WIF1: variants seen among roughly 807,000 people sequenced by gnomAD.
The protein encoded by WIF1 is Wnt inhibitory factor 1.
In WIF1, 35 loss-of-function variants were observed where a neutral mutation model predicts 53.5. That is an observed-to-expected ratio of 0.65 (90% CI 0.50 to 0.87). WIF1 has a LOEUF of 0.87. Among genes scored for constraint, WIF1 ranks in the 40% least tolerant of loss-of-function variants. The pLI, the probability that WIF1 is intolerant of heterozygous loss-of-function variation, is 0.00. For synonymous variants in WIF1, 171 were observed against 170.4 expected (o/e 1.00, Z -0.03); for missense variants, 467 against 476.8 (o/e 0.98, Z 0.19).
intron 2 of WIF1, among the ~76,000 whole-genome samples, chr12:65,113,631 A>G (rs561680622): frequency 6.6e-6 from 1 of 152,228 alleles, no homozygotes; most frequent in South Asian, 2.1e-4. Context: ...AAAGTTTGAG[A>G]AACTTACTGC....
intron 2 of WIF1, among the ~76,000 whole-genome samples, chr12:65,114,068 T>C (rs1042403069): frequency 5.3e-5 from 8 of 152,172 alleles, no homozygotes; most frequent in Non-Finnish European, 1.2e-4. Context: ...ATAGTAATAA[T>C]AAGTGTTACC....
chr12:65,087,878 T>C (rs534034521), intron 2 of WIF1, among the ~76,000 whole-genome samples: 1 of 152,206 alleles, frequency 6.6e-6, no homozygotes, highest in African/African-American at 2.4e-5. Flanking sequence ...AGTCCAAAAC[T>C]AGTCTTACCA....
chr12:65,085,746 G>C (rs987692852), intron 2 of WIF1, among the ~76,000 whole-genome samples: 5 of 152,226 alleles, frequency 3.3e-5, no homozygotes, highest in Non-Finnish European at 5.9e-5. Flanking sequence ...CTGAGGGAGT[G>C]AGGTTATTGG....
At chr12:65,109,459 C>A (rs975540755) in intron 2 of WIF1, among the ~76,000 whole-genome samples, 3 of 152,186 alleles carry the variant, frequency 2.0e-5, no homozygotes, top group African/African-American at 7.2e-5. Context: ...TTTCAGCTCC[C>A]ACTTGCCCCT....
chr12:65,089,038 T>A lies in WIF1; in HGVS notation c.289-11184A>T, dbSNP rs541094733. On this transcript the variant is annotated intron_variant, in intron 2 of 9. Transcript: ENST00000286574. Reference sequence around the variant, plus strand: ...TTTGGGGGCATCTTATCTATTTCCATGACTTCAAATTACACCTACATTTCA... The same window carrying A: ...TTTGGGGGCATCTTATCTATTTCCAAGACTTCAAATTACACCTACATTTCA... Among the ~76,000 whole-genome samples, 10 of 152,264 alleles carry A rather than the reference T, an allele frequency of 6.6e-5. No homozygotes were observed. In the East Asian group the frequency reaches 1.9e-3, roughly 29 times the overall value.
intron 2 of WIF1, among the ~76,000 whole-genome samples, chr12:65,100,276 A>C (rs542001087): frequency 5.3e-5 from 8 of 152,296 alleles, no homozygotes; most frequent in African/African-American, 1.9e-4. Context: ...CAAAGCCTCT[A>C]AACTTGAGGG....
chr12:65,071,472 T>C (rs1882773403), intron 3 of WIF1, among the ~76,000 whole-genome samples: 1 of 152,164 alleles, frequency 6.6e-6, no homozygotes, highest in African/African-American at 2.4e-5. Context: ...ATCTTCATTT[T>C]CTTAGTAAAC....
chr12:65,103,229 C>T (rs1883307090), intron 2 of WIF1, among the ~76,000 whole-genome samples: 3 of 152,204 alleles, frequency 2.0e-5, no homozygotes, highest in African/African-American at 7.2e-5. Flanking sequence ...AGTTATTCCT[C>T]ATATTTAGTT....
intron 2 of WIF1, among the ~76,000 whole-genome samples, chr12:65,093,390 TG>T (rs1256921673): frequency 1.3e-5 from 2 of 152,198 alleles, no homozygotes; most frequent in Non-Finnish European, 2.9e-5. Context: ...GTTTGTTTTT[TG>T]CCTGCTTAAC....
chr12:65,099,509 G>T (rs944738976), intron 2 of WIF1, among the ~76,000 whole-genome samples: 1 of 152,062 alleles, frequency 6.6e-6, no homozygotes, highest in Non-Finnish European at 1.5e-5. Flanking sequence ...TCCCCAACCC[G>T]CCACCTTGAA....
At chr12:65,069,637 A>G (rs1882743375) in intron 3 of WIF1, among the ~76,000 whole-genome samples, 1 of 152,134 alleles carries the variant, frequency 6.6e-6, no homozygotes, top group Non-Finnish European at 1.5e-5. Flanking sequence ...GTTCTTAAAG[A>G]GAAGCTTCTC....
chr12:65,114,197 A>G (rs1325776705), intron 2 of WIF1, among the ~76,000 whole-genome samples: 1 of 151,936 alleles, frequency 6.6e-6, no homozygotes, highest in Non-Finnish European at 1.5e-5. Context: ...GTTTACGTCA[A>G]GGGGAGAAAG....
At chr12:65,075,829 T>A (rs945580281) in intron 3 of WIF1, among the ~76,000 whole-genome samples, 2 of 152,164 alleles carry the variant, frequency 1.3e-5, no homozygotes, top group South Asian at 4.2e-4. Flanking sequence ...AATGTTAAAT[T>A]GAAAAAAATG....
At chr12:65,075,773 A>G (rs1053823797) in intron 3 of WIF1, among the ~76,000 whole-genome samples, 3 of 152,216 alleles carry the variant, frequency 2.0e-5, no homozygotes, top group African/African-American at 7.2e-5. Context: ...GTTTGACCAC[A>G]TAGGATTTTA....
intron 2 of WIF1, among the ~76,000 whole-genome samples, chr12:65,090,826 A>C (rs998512934): frequency 6.6e-6 from 1 of 152,170 alleles, no homozygotes; most frequent in African/African-American, 2.4e-5. Context: ...GTTACTATAC[A>C]CAGGATCAAT....
chr12:65,084,932 C>A (rs1016076630), intron 2 of WIF1, among the ~76,000 whole-genome samples: 8 of 152,144 alleles, frequency 5.3e-5, no homozygotes, highest in African/African-American at 1.9e-4. Flanking sequence ...AAAAAAAGAA[C>A]AATCAAACAC....
At chr12:65,065,212 G>C (rs1184507306) in intron 6 of WIF1, among the ~76,000 whole-genome samples, 1 of 152,076 alleles carries the variant, frequency 6.6e-6, no homozygotes, top group African/African-American at 2.4e-5. Context: ...TAGCTCAGGG[G>C]TGAGGGACAG....
rs755375730 is a variant in WIF1 at position 65,066,680 on chromosome 12, T to C, written c.691A>G (p.Ile231Val). The C allele has an allele frequency of 3.7e-6, 6 of 1,611,228 alleles. No individual in the cohort carries two copies. The Admixed American group carries it at 5.0e-5, about 13-fold the overall frequency. Residue 231 changes from isoleucine to valine, a missense_variant, in exon 6 of 10, where the codon ATC becomes GTC. Transcript: ENST00000286574. ...GGLCVTPGFC[I>V]CPPGFYGVNC... ...ACTCCATAGAATCCAGGTGGGCAGA[T>C]GCAGAAACCAGGAGTCACACAAAGT...
chr12:65,100,604 T>C (rs1211104269), intron 2 of WIF1, among the ~76,000 whole-genome samples: 6 of 152,226 alleles, frequency 3.9e-5, no homozygotes, highest in Admixed American at 2.6e-4. Flanking sequence ...ATTCCACTTC[T>C]GGAACTCAGT....
Sources: gnomAD v4.1 joint callset for allele counts (sites outside exome capture counted in the v4.1 genomes callset) on GRCh38, gnomAD v4.1.1 for gene constraint, MANE v1.5 for transcripts, NCBI Gene and HGNC (gene_info 2026-07-23, HGNC 2026-07-21) for gene names.